The following PCDH9 variants were observed in gnomAD, a reference collection of about 807,000 sequenced individuals.
PCDH9 encodes protocadherin-9.
PCDH9 carries 24 observed loss-of-function variants against 70.6 expected under a neutral mutation model. That is an observed-to-expected ratio of 0.34 (90% CI 0.25 to 0.48). The LOEUF (loss-of-function observed/expected upper bound fraction) is 0.48. Among genes scored for constraint, PCDH9 ranks in the 20% least tolerant of loss-of-function variants. PCDH9 has a pLI of 0.99. For synonymous variants in PCDH9, 562 were observed against 558.5 expected (o/e 1.01, Z -0.09); for missense variants, 1,281 against 1,503.6 (o/e 0.85, Z 2.45).
intron 2 of PCDH9, among the ~76,000 whole-genome samples, chr13:67,047,886 C>T (rs562353390): frequency 5.9e-5 from 9 of 152,262 alleles, no homozygotes; most frequent in African/African-American, 2.2e-4. Flanking sequence ...AAGCACTCTA[C>T]GCTACCAGTT....
Position 67,227,999 on chromosome 13 carries a change from T to G in PCDH9, c.442A>C (p.Asn148His), listed in dbSNP as rs2089922228. 6.2e-7 allele frequency: 1 copy of G among 1,613,986 alleles called. No individual in the cohort carries two copies. Among genetic ancestry groups the G allele is most frequent in the Non-Finnish European group, 8.5e-7 (1 of 1,179,986 alleles). Reference sequence around the variant, plus strand: ...AAAGTGTTTTCTGGAATGGAAATATTGATGACAGGAGATGGAAACATGGGG... The same window carrying G: ...AAAGTGTTTTCTGGAATGGAAATATGGATGACAGGAGATGGAAACATGGGG... ...NAPMFPSPVI[N>H]ISIPENTLIN... Residue 148 changes from asparagine (N) to histidine (H), a missense_variant, in exon 2 of 5, where the codon AAT becomes CAT. Asn to His is a moderately conservative substitution (Grantham distance 68). This residue lies in a region of PCDH9 where 798 missense variants were observed against 1,003.1 expected (regional missense o/e 0.80). Coordinates refer to ENST00000377865, the MANE Select transcript of PCDH9 (RefSeq NM_203487.3). This position sits in a 1 kb window ranked among gnomAD's most constrained non-coding sequence, Gnocchi z 4.6.
At chr13:66,424,828 T>C (rs57535175) in intron 4 of PCDH9, among the ~76,000 whole-genome samples, 2,598 of 152,020 alleles carry the variant, frequency 0.017, 78 homozygotes, top group African/African-American at 0.06. Flanking sequence ...GGGATAAATC[T>C]ACATATTATC....
intron 4 of PCDH9, among the ~76,000 whole-genome samples, chr13:66,520,098 T>A (rs756931968): frequency 6.6e-6 from 1 of 152,094 alleles, no homozygotes; most frequent in Non-Finnish European, 1.5e-5. Flanking sequence ...GTGCTCTCAG[T>A]GTGCTGCAGG....
chr13:67,207,676 G>T (rs1475859461), intron 2 of PCDH9: 3 of 152,100 alleles, frequency 2.0e-5, no homozygotes, highest in Non-Finnish European at 4.4e-5. Context: ...CTGTGAAATT[G>T]TTAGCTATTT....
intron 2 of PCDH9, chr13:67,214,899 G>A (rs1300616727): frequency 1.7e-5 from 2 of 120,542 alleles, no homozygotes; most frequent in African/African-American, 6.1e-5. Context: ...TAGAAAAACA[G>A]GTAACATTTT....
At chr13:66,835,388 CAA>C (rs57542650) in intron 3 of PCDH9, among the ~76,000 whole-genome samples, 3,237 of 152,252 alleles carry the variant, frequency 0.021, 119 homozygotes, top group African/African-American at 0.074. Flanking sequence ...CTAAATCTTC[CAA>C]AGTGTCCCCA....
intron 4 of PCDH9, among the ~76,000 whole-genome samples, chr13:66,497,592 G>C (rs996242661): frequency 2.0e-5 from 3 of 152,066 alleles, no homozygotes; most frequent in African/African-American, 7.2e-5. Flanking sequence ...TGAGAAGGAT[G>C]TTAGAGATCA....
rs1410985990 is a variant in PCDH9, at chr13:67,230,272, G to C, written c.-628C>G. The C allele has an allele frequency of 2.6e-5, 4 of 152,362 alleles. No homozygotes were observed. The highest frequency in any genetic ancestry group is 7.2e-5 in the African/African-American group (3 of 41,406). The allele number at this position is 152,362 out of a possible 1,614,324, so 9.4% of individuals were successfully genotyped here. A position where few individuals can be genotyped will look rare whatever the true frequency, so the allele number is the denominator to read the frequency against. On this transcript the variant is annotated 5_prime_UTR_variant, in exon 1 of 5. Coordinates refer to ENST00000377865, the MANE Select transcript of PCDH9 (RefSeq NM_203487.3). ...ACTCTGAGGCGCTCCTTTCCGTCTC[G>C]CGTGCTCTCCCTCTCTCCCTTCCCC...
chr13:66,622,349 C>A (rs934706218), intron 4 of PCDH9, among the ~76,000 whole-genome samples: 2 of 152,188 alleles, frequency 1.3e-5, no homozygotes, highest in Non-Finnish European at 2.9e-5. Context: ...CAGCGTGGGA[C>A]TGGCAGGCAG....
intron 3 of PCDH9, among the ~76,000 whole-genome samples, chr13:66,772,091 A>C (rs1391810360): frequency 1.3e-5 from 2 of 152,250 alleles, no homozygotes; most frequent in African/African-American, 4.8e-5. Context: ...ACATTCTGGC[A>C]TAAGGAATTT....
chr13:66,538,291 C>T (rs1441972902), intron 4 of PCDH9, among the ~76,000 whole-genome samples: 1 of 152,112 alleles, frequency 6.6e-6, no homozygotes, highest in Non-Finnish European at 1.5e-5. Context: ...CACAGGAAGG[C>T]AATGATTTAA....
At chr13:66,660,778 A>T (rs1460847863) in intron 3 of PCDH9, among the ~76,000 whole-genome samples, 1 of 152,130 alleles carries the variant, frequency 6.6e-6, no homozygotes, top group East Asian at 1.9e-4. Flanking sequence ...CATATTTAAC[A>T]ATTTGATACT....
Position 67,227,176 on chromosome 13 carries a change from TCTAACAAATA to T in PCDH9, c.1255_1264del (p.Tyr419ArgfsTer28), listed in dbSNP as rs1566513081. The T allele has an allele frequency of 6.2e-7, 1 of 1,613,278 alleles. No homozygotes were observed. The highest frequency in any genetic ancestry group is 8.5e-7 in the Non-Finnish European group (1 of 1,179,214). On this transcript the variant is annotated frameshift_variant, in exon 2 of 5. Transcript: ENST00000377865. LOFTEE classifies it high-confidence loss of function. This position sits in a 1 kb window ranked among gnomAD's most constrained non-coding sequence, Gnocchi z 4.6. ...CTCATAGTCCAACAAAGAAGAGGTC[TCTAACAAATA>T]TTGGTTGTCATATACCGCCTTCAAA...
rs1005155353 is a variant in PCDH9, at chr13:66,809,200, G to A, written c.3138+94304C>T. ...CCTGACCTCGTGATCCACCCGTCTC[G>A]GCCTCCCAAAGTGCTGGGATTACAG... On this transcript the variant is annotated intron_variant, in intron 3 of 4. Transcript: ENST00000377865. Among the ~76,000 whole-genome samples, 87 of 152,168 alleles carry A rather than the reference G, an allele frequency of 5.7e-4. 1 individual carries two copies. The highest frequency in any genetic ancestry group is 3.4e-3 in the Middle Eastern group (1 of 294).
At chr13:66,666,298 C>A (rs2078095996) in intron 3 of PCDH9, among the ~76,000 whole-genome samples, 1 of 152,162 alleles carries the variant, frequency 6.6e-6, no homozygotes, top group Non-Finnish European at 1.5e-5. Context: ...GGTGCACAGG[C>A]AGCAAGGGAA....
intron 2 of PCDH9, among the ~76,000 whole-genome samples, chr13:66,972,836 A>T (rs1266977218): frequency 6.6e-6 from 1 of 152,054 alleles, no homozygotes; most frequent in Non-Finnish European, 1.5e-5. Context: ...TCTATGACTC[A>T]CACTTGTACT....
chr13:66,856,797 A>T (rs563783258), intron 3 of PCDH9, among the ~76,000 whole-genome samples: 5 of 152,214 alleles, frequency 3.3e-5, no homozygotes, highest in South Asian at 4.1e-4. Context: ...GATATTCATC[A>T]CTTAATCTCA....
intron 4 of PCDH9, among the ~76,000 whole-genome samples, chr13:66,502,751 A>T (rs1204086797): frequency 1.3e-5 from 2 of 152,206 alleles, no homozygotes; most frequent in African/African-American, 4.8e-5. Flanking sequence ...TTTTTAAGTT[A>T]ATTTGTTTAA....
At chr13:66,941,406 T>C (rs1453427834) in intron 2 of PCDH9, among the ~76,000 whole-genome samples, 6 of 151,790 alleles carry the variant, frequency 4.0e-5, no homozygotes, top group Non-Finnish European at 8.9e-5. Context: ...TCTAATGTTA[T>C]AAAGAATAAC....
Sources: gnomAD v4.1 joint callset for allele counts (sites outside exome capture counted in the v4.1 genomes callset) on GRCh38, gnomAD v4.1.1 for gene constraint, gnomAD v4.1.1 regional missense constraint, Gnocchi (gnomAD v3.1) non-coding constraint, MANE v1.5 for transcripts, NCBI Gene and HGNC (gene_info 2026-07-23, HGNC 2026-07-21) for gene names.